Variants in SV2C observed in about 807,000 individuals in gnomAD.
SV2C encodes the protein solute carrier family 22 member B3.
SV2C carries 49 observed loss-of-function variants against 79.7 expected under a neutral mutation model. The ratio of observed to expected loss-of-function variants is 0.61; its 90% CI spans 0.49 to 0.78. The LOEUF is 0.78. SV2C is among the 30% of genes least tolerant of loss of function. The pLI is 0.00. For synonymous variants in SV2C, 334 were observed against 333.2 expected (o/e 1.00, Z -0.03); for missense variants, 833 against 912.9 (o/e 0.91, Z 1.13).
chr5:76,090,674 G>A (rs940548388), intron 1 of SV2C, among the ~76,000 whole-genome samples: 19 of 152,080 alleles, frequency 1.2e-4, no homozygotes, highest in African/African-American at 4.3e-4. Flanking sequence ...GGAACTTAAA[G>A]TTCTAGTTCT....
intron 2 of SV2C, among the ~76,000 whole-genome samples, chr5:76,140,719 G>A (rs571874403): frequency 5.3e-5 from 8 of 152,248 alleles, no homozygotes; most frequent in African/African-American, 1.9e-4. Context: ...TGATGATTTG[G>A]CATCTGAGTG....
the SV2C span, among the ~76,000 whole-genome samples, chr5:76,063,339 G>A: frequency 6.6e-6 from 1 of 152,078 alleles, no homozygotes; most frequent in Non-Finnish European, 1.5e-5. Context: ...ATGTGTCCTA[G>A]GTTCAGCCAA....
chr5:76,316,148 C>G lies in SV2C; in HGVS notation c.2001-9216C>G, dbSNP rs560838607. ...AAAAAAAAGCAGAAAGCAAAATTGT[C>G]TAAATCCTCTGATTTCCTGTGATTT... On this transcript the variant is annotated intron_variant, in intron 12 of 12. Coordinates refer to ENST00000502798, the MANE Select transcript of SV2C (RefSeq NM_014979.4). Among the ~76,000 whole-genome samples the G allele has an allele frequency of 1.8e-4, 28 of 152,290 alleles. No homozygotes were observed. The South Asian group carries it at 5.2e-3, about 28-fold the overall frequency.
the SV2C span, among the ~76,000 whole-genome samples, chr5:75,994,344 C>G: frequency 2.6e-5 from 4 of 152,022 alleles, no homozygotes; most frequent in Admixed American, 6.6e-5. Flanking sequence ...TATAGGCGTT[C>G]CACCTCTGGC....
the SV2C span, among the ~76,000 whole-genome samples, chr5:75,885,507 C>A: frequency 6.6e-6 from 1 of 152,058 alleles, no homozygotes; most frequent in South Asian, 2.1e-4. Context: ...ATCTGCATCA[C>A]CTGTGGGATA....
intron 1 of SV2C, among the ~76,000 whole-genome samples, chr5:76,126,129 A>G (rs533593811): frequency 2.6e-5 from 4 of 152,256 alleles, no homozygotes; most frequent in Admixed American, 2.0e-4. Flanking sequence ...GGAAAGTTAC[A>G]CTGTAATAGG....
chr5:76,110,714 C>T (rs1748070390), intron 1 of SV2C, among the ~76,000 whole-genome samples: 1 of 152,214 alleles, frequency 6.6e-6, no homozygotes, highest in African/African-American at 2.4e-5. Flanking sequence ...CTGTTGTTCG[C>T]AATTTGTCTC....
intron 2 of SV2C, among the ~76,000 whole-genome samples, chr5:76,182,937 A>ATG (rs1327158660): frequency 1.3e-5 from 1 of 75,340 alleles, no homozygotes; most frequent in Non-Finnish European, 2.3e-5. Context: ...GTGTGTGTGT[A>ATG]TGTGAGAGAG....
the SV2C span, among the ~76,000 whole-genome samples, chr5:75,939,672 G>A: frequency 6.6e-5 from 10 of 152,096 alleles, no homozygotes; most frequent in African/African-American, 2.4e-4. Flanking sequence ...CTAATTGTGC[G>A]ATAATTTTAG....
intron 1 of SV2C, among the ~76,000 whole-genome samples, chr5:76,103,323 G>A (rs550994476): frequency 6.6e-6 from 1 of 152,270 alleles, no homozygotes; most frequent in South Asian, 2.1e-4. Context: ...GTAGTAAATA[G>A]CGTTGTTTTT....
the SV2C span, among the ~76,000 whole-genome samples, chr5:76,075,171 C>T: frequency 6.6e-6 from 1 of 152,214 alleles, no homozygotes; most frequent in African/African-American, 2.4e-5. Flanking sequence ...GCTCCCTCCC[C>T]TCCATGATTC....
At chr5:75,964,366 CCTT>C in the SV2C span, among the ~76,000 whole-genome samples, 1 of 152,106 alleles carries the variant, frequency 6.6e-6, no homozygotes, top group Non-Finnish European at 1.5e-5. Context: ...GCAGAGTAGT[CCTT>C]CTCAAGTATT....
chr5:76,221,271 A>G (rs1370922752), intron 4 of SV2C, among the ~76,000 whole-genome samples: 1 of 152,202 alleles, frequency 6.6e-6, no homozygotes, highest in South Asian at 2.1e-4. Flanking sequence ...AGACAAAGGA[A>G]TCCTTCCTTA....
chr5:76,031,809 A>G, the SV2C span, among the ~76,000 whole-genome samples: 1 of 152,180 alleles, frequency 6.6e-6, no homozygotes, highest in South Asian at 2.1e-4. Flanking sequence ...TGCTATCGCT[A>G]TATTATTTAC....
chr5:76,257,379 G>A (rs751275281), intron 4 of SV2C, among the ~76,000 whole-genome samples: 10 of 151,436 alleles, frequency 6.6e-5, no homozygotes, highest in Non-Finnish European at 1.2e-4. Flanking sequence ...TTGGGGTGTG[G>A]GGGGTGCGTG....
At chr5:75,949,864 T>C in the SV2C span, among the ~76,000 whole-genome samples, 7 of 151,882 alleles carry the variant, frequency 4.6e-5, no homozygotes, top group African/African-American at 1.7e-4. Context: ...GTGGTGGAGG[T>C]GTTAAAGAGG....
At chr5:75,892,035 TA>T in the SV2C span, among the ~76,000 whole-genome samples, 5 of 152,086 alleles carry the variant, frequency 3.3e-5, no homozygotes, top group African/African-American at 1.2e-4. Flanking sequence ...CTTTGATCTT[TA>T]TCTCAAAGTT....
At chr5:76,171,473 C>T (rs1432644126) in intron 2 of SV2C, among the ~76,000 whole-genome samples, 24 of 122,042 alleles carry the variant, frequency 2.0e-4, no homozygotes, top group African/African-American at 4.0e-4. Context: ...CCGGCTGCCC[C>T]GTCTGAGAAG....
the SV2C span, among the ~76,000 whole-genome samples, chr5:76,026,140 A>T: frequency 6.6e-6 from 1 of 150,578 alleles, no homozygotes; most frequent in African/African-American, 2.4e-5. Context: ...AGGATTGAGA[A>T]CTACTGATCT....
Sources: gnomAD v4.1 joint callset for allele counts (sites outside exome capture counted in the v4.1 genomes callset) on GRCh38, gnomAD v4.1.1 for gene constraint, MANE v1.5 for transcripts, NCBI Gene and HGNC (gene_info 2026-07-23, HGNC 2026-07-21) for gene names.